Variants in NELL1 observed in about 807,000 individuals in gnomAD.
NELL1 encodes the protein protein kinase C-binding protein NELL1.
In NELL1, 76 loss-of-function variants were observed where a neutral mutation model predicts 107.4. That is an observed-to-expected ratio of 0.71 (90% CI 0.59 to 0.86). The LOEUF (loss-of-function observed/expected upper bound fraction) is 0.86, where lower values mean the gene tolerates loss of function less well. Among genes scored for constraint, NELL1 ranks in the 40% least tolerant of loss-of-function variants. The pLI is 0.00. For missense variants in NELL1, 1,024 were observed against 1,005.5 expected, an observed-to-expected ratio of 1.02 and a Z score of -0.25; for synonymous variants, 353 against 341.2, an observed-to-expected ratio of 1.03 and a Z score of -0.38.
At position 21,573,247 on chromosome 11, in the gene NELL1, C is replaced by CT; in HGVS notation, c.2222dup (p.Leu741PhefsTer12). On this transcript the variant is annotated frameshift_variant, in exon 19 of 20. Coordinates refer to ENST00000357134, the MANE Select transcript of NELL1 (RefSeq NM_006157.5). LOFTEE classifies it high-confidence loss of function. ...ACTTGAGCTGTGAGTATACAGCTAT[C>CT]TTAGAAGGGGAATGTTGTCCCCGCT... 6.2e-7 allele frequency: 1 copy of CT among 1,612,434 alleles called. No individual in the cohort carries two copies. The highest frequency in any genetic ancestry group is 1.1e-5 in the South Asian group (1 of 91,052).
chr11:20,752,363 A>C (rs1398848257), intron 2 of NELL1, among the ~76,000 whole-genome samples: 1 of 152,200 alleles, frequency 6.6e-6, no homozygotes, highest in Non-Finnish European at 1.5e-5. Flanking sequence ...CAGCCTGACC[A>C]ACATGGAGAA....
chr11:21,234,722 A>C (rs544739394), intron 14 of NELL1, among the ~76,000 whole-genome samples: 5 of 152,318 alleles, frequency 3.3e-5, no homozygotes, highest in African/African-American at 1.2e-4. Context: ...CTGTTTGATG[A>C]GTTGCTGGAT....
At chr11:21,475,791 T>C (rs1354428216) in intron 15 of NELL1, among the ~76,000 whole-genome samples, 1 of 152,168 alleles carries the variant, frequency 6.6e-6, no homozygotes, top group Non-Finnish European at 1.5e-5. Flanking sequence ...TAAGACAGCT[T>C]TTTGTAAGTG....
rs888874383 is a variant in NELL1, at chr11:20,669,653, C to A, written c.-71C>A. 14 of 1,369,012 alleles carry A rather than the reference C, an allele frequency of 1.0e-5. No homozygotes were observed. The Admixed American group carries it at 1.0e-4, about 10-fold the overall frequency. The allele number at this position is 1,369,012 out of a possible 1,614,324, so 84.8% of individuals were successfully genotyped here. ...GTTTGGCGGCTCCAAGCCAGGCGCGCCTCAGGATCCAGGCTCATTTGCTTC... is the reference window on the plus strand; with the variant it reads ...GTTTGGCGGCTCCAAGCCAGGCGCGACTCAGGATCCAGGCTCATTTGCTTC... On this transcript the variant is annotated 5_prime_UTR_variant, in exon 1 of 20. Transcript: ENST00000357134. This position sits in a 1 kb window ranked among gnomAD's most constrained non-coding sequence, Gnocchi z 4.4.
intron 2 of NELL1, among the ~76,000 whole-genome samples, chr11:20,715,457 A>G (rs1255610081): frequency 1.3e-5 from 2 of 152,178 alleles, no homozygotes; most frequent in African/African-American, 4.8e-5. Flanking sequence ...GTGATCACAC[A>G]TTAGCTGTTA....
At chr11:21,263,615 C>A (rs1476881931) in intron 14 of NELL1, among the ~76,000 whole-genome samples, 2 of 151,966 alleles carry the variant, frequency 1.3e-5, no homozygotes, top group African/African-American at 4.8e-5. Context: ...AGGCAGTCAT[C>A]TAACTGGGCA....
At chr11:21,277,984 C>T (rs1216461876) in intron 14 of NELL1, among the ~76,000 whole-genome samples, 1 of 151,982 alleles carries the variant, frequency 6.6e-6, no homozygotes, top group African/African-American at 2.4e-5. Flanking sequence ...ACCAACATGG[C>T]ACATGTATGC....
At chr11:21,353,021 G>A (rs1003044459) in intron 14 of NELL1, among the ~76,000 whole-genome samples, 2 of 152,108 alleles carry the variant, frequency 1.3e-5, no homozygotes, top group Non-Finnish European at 2.9e-5. Flanking sequence ...CTCAACATGA[G>A]GACATGAGTA....
chr11:21,499,213 A>G (rs1306760048), intron 15 of NELL1, among the ~76,000 whole-genome samples: 1 of 151,848 alleles, frequency 6.6e-6, no homozygotes, highest in Non-Finnish European at 1.5e-5. Context: ...ATGTTATTAA[A>G]CTCTGTAATA....
intron 14 of NELL1, among the ~76,000 whole-genome samples, chr11:21,235,853 T>C (rs1203779898): frequency 3.3e-5 from 5 of 152,270 alleles, no homozygotes; most frequent in African/African-American, 1.2e-4. Flanking sequence ...GGCTACAGAA[T>C]AATGGAAAAA....
At chr11:21,279,957 C>T (rs1019218882) in intron 14 of NELL1, among the ~76,000 whole-genome samples, 2 of 152,094 alleles carry the variant, frequency 1.3e-5, no homozygotes, top group South Asian at 2.1e-4. Flanking sequence ...TGACAGAAGC[C>T]GATCTGCAAA....
chr11:21,394,500 G>C (rs1323756215), intron 15 of NELL1, among the ~76,000 whole-genome samples: 1 of 151,340 alleles, frequency 6.6e-6, no homozygotes, highest in African/African-American at 2.4e-5. Context: ...GCTTGTCCAA[G>C]ACAGACTGGA....
intron 14 of NELL1, among the ~76,000 whole-genome samples, chr11:21,299,583 T>C (rs1849450856): frequency 6.6e-6 from 1 of 150,846 alleles, no homozygotes; most frequent in African/African-American, 2.4e-5. Flanking sequence ...TGGACCCATA[T>C]AAATTGGTAG....
At chr11:20,912,446 T>C (rs1850153076) in intron 5 of NELL1, among the ~76,000 whole-genome samples, 1 of 152,174 alleles carries the variant, frequency 6.6e-6, no homozygotes, top group Admixed American at 6.6e-5. Flanking sequence ...CTTTGATGCA[T>C]TCTGAGCTGA....
At chr11:20,706,987 T>G (rs2511371) in intron 2 of NELL1, among the ~76,000 whole-genome samples, 1 of 152,110 alleles carries the variant, frequency 6.6e-6, no homozygotes, top group African/African-American at 2.4e-5. Flanking sequence ...ACTCTCCCCA[T>G]CATTTTTAGG....
chr11:20,987,870 T>C (rs1272765909), intron 12 of NELL1, among the ~76,000 whole-genome samples: 1 of 152,230 alleles, frequency 6.6e-6, no homozygotes, highest in Non-Finnish European at 1.5e-5. Flanking sequence ...TTTAATATTA[T>C]AATGAAATTC....
In NELL1 at chr11:21,573,419, T is replaced by C. The variant is rs748205426; in HGVS notation, c.2382+10T>C. 1.9e-6 allele frequency: 3 copies of C among 1,608,560 alleles called. No homozygotes were observed. Among genetic ancestry groups the C allele is most frequent in the Non-Finnish European group, 2.5e-6 (3 of 1,176,498 alleles). ...AACCTGTAAATGCAAGGTAATTGGA[T>C]GTTCTGCGGATATTGAAGCCTTGAA... On this transcript the variant is annotated intron_variant, in intron 19 of 19. Coordinates refer to ENST00000357134, the MANE Select transcript of NELL1 (RefSeq NM_006157.5).
At chr11:20,943,854 T>G (rs1043378839) in intron 10 of NELL1, among the ~76,000 whole-genome samples, 2 of 152,164 alleles carry the variant, frequency 1.3e-5, no homozygotes, top group Non-Finnish European at 2.9e-5. Context: ...GAAGGATTGT[T>G]TGATCATTTT....
chr11:20,796,782 G>T (rs1857177490), intron 3 of NELL1, among the ~76,000 whole-genome samples: 1 of 152,190 alleles, frequency 6.6e-6, no homozygotes, highest in Admixed American at 6.5e-5. Flanking sequence ...AAGAAACACT[G>T]CCAAGTATTG....
Sources: allele counts gnomAD v4.1 joint callset (sites outside exome capture counted in the v4.1 genomes callset), GRCh38; gene constraint gnomAD v4.1.1; non-coding constraint Gnocchi (gnomAD v3.1); transcripts MANE v1.5; gene names NCBI Gene and HGNC (gene_info 2026-07-23, HGNC 2026-07-21).